Variants in WDR72 observed in about 807,000 individuals in gnomAD.
The protein encoded by WDR72 is WD repeat-containing protein 72.
A neutral mutation model predicts 124.2 loss-of-function variants in WDR72; 120 were observed. That is an observed-to-expected ratio of 0.97 (90% CI 0.83 to 1.12). The LOEUF is 1.12. Ranked by LOEUF, WDR72 falls within the 50% of genes most tolerant of loss-of-function variation. The pLI is 0.00. For synonymous variants in WDR72, 452 were observed against 441.7 expected (o/e 1.02, Z -0.29); for missense variants, 1,387 against 1,278.8 (o/e 1.08, Z -1.29).
In WDR72 at chr15:53,516,482, T is replaced by C. The variant is rs1327489318; in HGVS notation, c.*1217A>G. ...GACTTGAACTTCTCTGTTAGATACA[T>C]ACATAGATATAGCTATATATCATAT... On this transcript the variant is annotated 3_prime_UTR_variant, in exon 20 of 20. Coordinates refer to ENST00000360509, the MANE Select transcript of WDR72 (RefSeq NM_182758.4). 1 of 152,060 alleles carries C rather than the reference T, an allele frequency of 6.6e-6. No individual in the cohort carries two copies. The highest frequency in any genetic ancestry group is 1.5e-5 in the Non-Finnish European group (1 of 67,978). 9.4% of individuals were successfully genotyped at this position (152,060 alleles called of 1,614,324 possible).
At chr15:53,541,389 A>C (rs1253026619) in intron 18 of WDR72, among the ~76,000 whole-genome samples, 1 of 151,850 alleles carries the variant, frequency 6.6e-6, no homozygotes, top group Non-Finnish European at 1.5e-5. Flanking sequence ...GCACACTGAT[A>C]CCTCACAAGG....
chr15:53,640,452 A>C (rs1174038157), intron 14 of WDR72, among the ~76,000 whole-genome samples: 1 of 152,212 alleles, frequency 6.6e-6, no homozygotes, highest in African/African-American at 2.4e-5. Context: ...GGAAAAGGAC[A>C]TAAGTTATCC....
intron 1 of WDR72, among the ~76,000 whole-genome samples, chr15:53,752,934 T>C (rs2018809522): frequency 6.6e-6 from 1 of 152,048 alleles, no homozygotes; most frequent in Admixed American, 6.6e-5. Context: ...CCCTACTAAA[T>C]GAAAGATGAA....
chr15:53,665,813 C>G, intron 13 of WDR72, 45 bp from the exon 14 acceptor site: 1 of 1,569,464 alleles, frequency 6.4e-7, no homozygotes, highest in East Asian at 2.3e-5. Context: ...AAATATTTAC[C>G]CCAACAGAAT....
intron 18 of WDR72, among the ~76,000 whole-genome samples, chr15:53,592,175 C>T (rs2012541216): frequency 6.6e-6 from 1 of 152,064 alleles, no homozygotes. Flanking sequence ...GACCTCACTA[C>T]CACATACGAG....
intron 14 of WDR72, among the ~76,000 whole-genome samples, chr15:53,661,430 T>G (rs1175798895): frequency 1.3e-5 from 2 of 152,112 alleles, no homozygotes; most frequent in Non-Finnish European, 2.9e-5. Flanking sequence ...TGGAAACTGA[T>G]AGAGCTCATG....
intron 18 of WDR72, among the ~76,000 whole-genome samples, chr15:53,563,395 T>C (rs576654730): frequency 7.9e-5 from 12 of 151,816 alleles, no homozygotes; most frequent in African/African-American, 2.4e-4. Context: ...TGTACTTCAT[T>C]TGAGCTGTTA....
At chr15:53,678,309 T>C (rs542477002) in intron 13 of WDR72, among the ~76,000 whole-genome samples, 13 of 152,340 alleles carry the variant, frequency 8.5e-5, no homozygotes, top group African/African-American at 3.1e-4. Context: ...CAATAGTTTA[T>C]CTTTCAAATA....
At chr15:53,728,977 T>C (rs2018122647) in intron 2 of WDR72, among the ~76,000 whole-genome samples, 1 of 152,154 alleles carries the variant, frequency 6.6e-6, no homozygotes, top group African/African-American at 2.4e-5. Flanking sequence ...CAAACCCCTA[T>C]TGAATACTTG....
At chr15:53,751,397 A>T (rs2018770463) in intron 1 of WDR72, among the ~76,000 whole-genome samples, 1 of 152,330 alleles carries the variant, frequency 6.6e-6, no homozygotes, top group African/African-American at 2.4e-5. Context: ...ACCCTCCTCC[A>T]GCAAAAAGTA....
intron 13 of WDR72, among the ~76,000 whole-genome samples, chr15:53,695,069 C>T (rs1595856381): frequency 6.6e-6 from 1 of 152,162 alleles, no homozygotes; most frequent in African/African-American, 2.4e-5. Flanking sequence ...ACTATCCAGC[C>T]CTCTACAGAA....
chr15:53,693,850 C>G (rs1398536231), intron 13 of WDR72, among the ~76,000 whole-genome samples: 1 of 152,112 alleles, frequency 6.6e-6, no homozygotes, highest in East Asian at 1.9e-4. Context: ...TGTTTTAAAA[C>G]TTGGAGTGTG....
In WDR72 at chr15:53,604,552, G is replaced by A. The variant is rs917620911; in HGVS notation, c.2952+4961C>T. ...CAATAGAGCAAACAGGCAACCTGCAGAATGGGAGAAAATTTTTGCAAAATA... is the reference window on the plus strand; with the variant it reads ...CAATAGAGCAAACAGGCAACCTGCAAAATGGGAGAAAATTTTTGCAAAATA... On this transcript the variant is annotated intron_variant, in intron 17 of 19. Transcript: ENST00000360509. Among the ~76,000 whole-genome samples the A allele has an allele frequency of 2.6e-5, 4 of 152,234 alleles. No homozygotes were observed. In the East Asian group the frequency reaches 7.7e-4, roughly 29 times the overall value.
chr15:53,749,768 C>T (rs142387425), intron 1 of WDR72, among the ~76,000 whole-genome samples: 44 of 152,110 alleles, frequency 2.9e-4, no homozygotes, highest in African/African-American at 9.6e-4. Flanking sequence ...GATCAGAGAC[C>T]GAAACAATTG....
At chr15:53,685,548 A>G (rs953539682) in intron 13 of WDR72, among the ~76,000 whole-genome samples, 3 of 144,168 alleles carry the variant, frequency 2.1e-5, no homozygotes, top group Non-Finnish European at 3.0e-5. Flanking sequence ...CCTCCAAGAA[A>G]TATGGGACTA....
intron 17 of WDR72, among the ~76,000 whole-genome samples, chr15:53,598,115 G>A (rs1424022444): frequency 6.6e-6 from 1 of 152,128 alleles, no homozygotes; most frequent in Non-Finnish European, 1.5e-5. Context: ...GCCCAAGGAA[G>A]GCCAGGAGCT....
chr15:53,758,345 T>C (rs574633856), intron 1 of WDR72, among the ~76,000 whole-genome samples: 4 of 152,228 alleles, frequency 2.6e-5, no homozygotes, highest in African/African-American at 9.6e-5. Flanking sequence ...TTAAAATACC[T>C]TTTCCAAAAG....
chr15:53,604,108 G>A (rs559137719), intron 17 of WDR72, among the ~76,000 whole-genome samples: 2 of 152,228 alleles, frequency 1.3e-5, no homozygotes, highest in South Asian at 4.1e-4. Flanking sequence ...AACCAAAACA[G>A]CAAGGTACTG....
At chr15:53,540,418 G>C (rs1200052768) in intron 18 of WDR72, among the ~76,000 whole-genome samples, 1 of 151,980 alleles carries the variant, frequency 6.6e-6, no homozygotes, top group African/African-American at 2.4e-5. Flanking sequence ...TGATCACAAC[G>C]CAATAAGGCT....
Sources: allele counts gnomAD v4.1 joint callset (sites outside exome capture counted in the v4.1 genomes callset), GRCh38; gene constraint gnomAD v4.1.1; transcripts MANE v1.5; gene names NCBI Gene and HGNC (gene_info 2026-07-23, HGNC 2026-07-21).